Variants in SLC25A33 observed in about 807,000 individuals in gnomAD.
SLC25A33 encodes bone marrow stromal cell mitochondrial carrier protein.
A neutral mutation model predicts 35.5 loss-of-function variants in SLC25A33; 15 were observed. The observed-to-expected ratio is 0.42, with a 90% CI of 0.28 to 0.65. SLC25A33 has a LOEUF of 0.65. Among genes scored for constraint, SLC25A33 ranks in the 30% least tolerant of loss-of-function variants. The pLI is 0.20. For missense variants in SLC25A33, 257 were observed against 398.5 expected (o/e 0.64, Z 3.02); for synonymous variants, 136 against 148.7 (o/e 0.91, Z 0.62).
At position 9,582,038 on chromosome 1, in the gene SLC25A33, C is replaced by T. The variant is rs933632417; in HGVS notation, c.764-261C>T. 2.6e-5 allele frequency among the ~76,000 whole-genome samples: 4 copies of T among 152,134 alleles called. No homozygotes were observed. The highest frequency in any genetic ancestry group is 9.7e-5 in the African/African-American group (4 of 41,432). ...TCCCAGGTTCAAGCGATCCTCATTCCTCAGCCACTCTAGTAGTAGGCGTGC... is the reference window on the plus strand; with the variant it reads ...TCCCAGGTTCAAGCGATCCTCATTCTTCAGCCACTCTAGTAGTAGGCGTGC... On this transcript the variant is annotated intron_variant, in intron 6 of 6. Transcript: ENST00000302692. This position sits in a 1 kb window ranked among gnomAD's most constrained non-coding sequence, Gnocchi z 4.0.
intron 2 of SLC25A33, among the ~76,000 whole-genome samples, 186 bp from the exon 3 acceptor site, chr1:9,567,098 G>T (rs1022665371): frequency 2.0e-5 from 3 of 152,028 alleles, no homozygotes; most frequent in South Asian, 2.1e-4. Flanking sequence ...TTTTTTCACT[G>T]TGCTAATGAT....
chr1:9,575,382 C>T (rs1053244643), intron 5 of SLC25A33, among the ~76,000 whole-genome samples: 8 of 151,344 alleles, frequency 5.3e-5, no homozygotes, highest in Admixed American at 2.0e-4. Context: ...TTTGGGAGGC[C>T]GAGGCGGGTG....
rs1384741629 is a variant in SLC25A33, at chr1:9,550,028, T to A, written c.57-3598T>A. 8.5e-5 allele frequency among the ~76,000 whole-genome samples: 10 copies of A among 118,018 alleles called. 1 individual carries two copies. The highest frequency in any genetic ancestry group is 3.3e-4 in the African/African-American group (10 of 30,598). The allele number at this position is 118,018 out of a possible 152,430, so 77.4% of individuals were successfully genotyped here. On this transcript the variant is annotated intron_variant, in intron 1 of 6. Coordinates refer to ENST00000302692, the MANE Select transcript of SLC25A33 (RefSeq NM_032315.3). ...ATATATATATTTTTTTTTTTTTTTT[T>A]TTTTTTTTTTGAGACGGGGTCTCAC...
At chr1:9,575,343 G>A (rs915822472) in intron 5 of SLC25A33, among the ~76,000 whole-genome samples, 2 of 152,048 alleles carry the variant, frequency 1.3e-5, no homozygotes, top group African/African-American at 2.4e-5. Flanking sequence ...AGAGCTGGGC[G>A]TAGTGGCTCA....
chr1:9,547,410 C>T (rs1051252846), intron 1 of SLC25A33, among the ~76,000 whole-genome samples: 2 of 151,096 alleles, frequency 1.3e-5, no homozygotes, highest in African/African-American at 4.9e-5. Context: ...GCTGAGATTG[C>T]GCCAGCCTGG....
At chr1:9,557,789 T>C (rs557592543) in intron 2 of SLC25A33, among the ~76,000 whole-genome samples, 112 of 152,230 alleles carry the variant, frequency 7.4e-4, no homozygotes, top group African/African-American at 2.6e-3. Flanking sequence ...TTTAGCACTT[T>C]TAGGCACAAT....
In SLC25A33 at chr1:9,565,614, C is replaced by T. The variant is rs1299224223; in HGVS notation, c.237-1670C>T. Among the ~76,000 whole-genome samples the T allele has an allele frequency of 2.0e-5, 3 of 151,886 alleles. No individual in the cohort carries two copies. The East Asian group carries it at 5.8e-4, about 29-fold the overall frequency. Reference sequence around the variant, plus strand: ...AAGCAGTTGGCTGGGTGCATTGGCTCACGCCTATAATCCCAGCACTTTGGG... The same window carrying T: ...AAGCAGTTGGCTGGGTGCATTGGCTTACGCCTATAATCCCAGCACTTTGGG... On this transcript the variant is annotated intron_variant, in intron 2 of 6. Coordinates refer to ENST00000302692, the MANE Select transcript of SLC25A33 (RefSeq NM_032315.3).
At chr1:9,571,242 C>T (rs947783197) in intron 4 of SLC25A33, among the ~76,000 whole-genome samples, 78 of 152,222 alleles carry the variant, frequency 5.1e-4, no homozygotes, top group African/African-American at 1.7e-3. Flanking sequence ...ACTTCTTCCC[C>T]GGGATGTACT....
chr1:9,568,580 G>C (rs1005594871), intron 3 of SLC25A33, among the ~76,000 whole-genome samples: 6 of 152,176 alleles, frequency 3.9e-5, no homozygotes, highest in Admixed American at 1.3e-4. Flanking sequence ...GGCCGGGTGC[G>C]GTGGCTCACG....
At chr1:9,579,767 G>A (rs1018870246) in intron 5 of SLC25A33, among the ~76,000 whole-genome samples, 187 bp from the exon 6 acceptor site, 10 of 152,222 alleles carry the variant, frequency 6.6e-5, no homozygotes, top group Non-Finnish European at 1.3e-4. Context: ...TCAAGGGACT[G>A]TCAGAGGCTG....
At chr1:9,570,209 A>G (rs778876550) in intron 3 of SLC25A33, 49 bp from the exon 4 acceptor site, 1 of 1,527,860 alleles carries the variant, frequency 6.5e-7, no homozygotes, top group African/African-American at 1.4e-5. Flanking sequence ...AGGGACGTAT[A>G]AAGTTGCACT....
At chr1:9,554,032 T>TAGCAA (rs1008357257) in intron 2 of SLC25A33, among the ~76,000 whole-genome samples, 25 of 152,128 alleles carry the variant, frequency 1.6e-4, no homozygotes, top group African/African-American at 6.0e-4. Flanking sequence ...AAAGTAAACC[T>TAGCAA]AGCAAAGCAA....
intron 2 of SLC25A33, among the ~76,000 whole-genome samples, chr1:9,555,985 G>A (rs141302268): frequency 6.6e-6 from 1 of 152,256 alleles, no homozygotes. Flanking sequence ...GTGTCTGGGT[G>A]AGAATCAGGT....
At position 9,573,658 on chromosome 1, in the gene SLC25A33, C is replaced by T. The variant is rs144271026; in HGVS notation, c.482+246C>T. On this transcript the variant is annotated intron_variant, in intron 5 of 6. Transcript: ENST00000302692. Reference sequence around the variant, plus strand: ...ATCTCTGGTTGTGTCCCCTGATCCGCAGTCCCACCTGTTGTCTCAGAGAGT... The same window carrying T: ...ATCTCTGGTTGTGTCCCCTGATCCGTAGTCCCACCTGTTGTCTCAGAGAGT... 2.3e-3 allele frequency among the ~76,000 whole-genome samples: 345 copies of T among 152,306 alleles called. 2 individuals carry two copies. Among genetic ancestry groups the T allele is most frequent in the African/African-American group, 7.9e-3 (327 of 41,568 alleles).
intron 5 of SLC25A33, chr1:9,576,414 G>A: frequency 1.1e-4 from 40 of 373,460 alleles, no homozygotes; most frequent in Admixed American, 3.0e-4. Flanking sequence ...GCTTTGCCGT[G>A]TCTACTGTGA....
rs546052575 is a variant in SLC25A33, at chr1:9,548,689, A to G, written c.57-4937A>G. Among the ~76,000 whole-genome samples, 5 of 152,344 alleles carry G rather than the reference A, an allele frequency of 3.3e-5. No homozygotes were observed. In the East Asian group the frequency reaches 9.6e-4, roughly 29 times the overall value. ...GGTCATGGTGCACATCTCTTAGAGT[A>G]TGTATCCCAGTTTGGAGATTCCTTG... On this transcript the variant is annotated intron_variant, in intron 1 of 6. Transcript: ENST00000302692.
At chr1:9,556,172 A>G (rs910586221) in intron 2 of SLC25A33, 1 of 985,226 alleles carries the variant, frequency 1.0e-6, no homozygotes, top group African/African-American at 1.7e-5. Context: ...TTGCCTTTTC[A>G]CATGCTTAGG....
At chr1:9,559,227 T>G (rs1393478258) in intron 2 of SLC25A33, among the ~76,000 whole-genome samples, 1 of 152,230 alleles carries the variant, frequency 6.6e-6, no homozygotes, top group African/African-American at 2.4e-5. Context: ...TGTAGTTTAC[T>G]TATTTCTATT....
chr1:9,547,081 G>A (rs1301043072), intron 1 of SLC25A33, among the ~76,000 whole-genome samples: 1 of 152,212 alleles, frequency 6.6e-6, no homozygotes, highest in Non-Finnish European at 1.5e-5. Flanking sequence ...CAAAGTAGAT[G>A]TTATGATGTG....
Sources: allele counts gnomAD v4.1 joint callset (sites outside exome capture counted in the v4.1 genomes callset), GRCh38; gene constraint gnomAD v4.1.1; non-coding constraint Gnocchi (gnomAD v3.1); transcripts MANE v1.5; gene names NCBI Gene and HGNC (gene_info 2026-07-23, HGNC 2026-07-21).